The following ARHGEF38 variants were observed in gnomAD, a reference collection of about 807,000 sequenced individuals.
The protein encoded by ARHGEF38 is Rho guanine nucleotide exchange factor (GEF) 38.
A neutral mutation model predicts 79.9 loss-of-function variants in ARHGEF38; 79 were observed. The observed-to-expected ratio is 0.99, with a 90% CI of 0.82 to 1.19. The LOEUF (loss-of-function observed/expected upper bound fraction) is 1.19. Among genes scored for constraint, ARHGEF38 ranks in the 50% most tolerant of loss-of-function variants. The pLI, the probability that ARHGEF38 is intolerant of heterozygous loss-of-function variation, is 0.00. For synonymous variants in ARHGEF38, 366 were observed against 328.3 expected (o/e 1.11, Z -1.24); for missense variants, 962 against 907.2 (o/e 1.06, Z -0.78).
intron 2 of ARHGEF38, among the ~76,000 whole-genome samples, chr4:105,597,586 T>C (rs1205926772): frequency 6.6e-6 from 1 of 152,216 alleles, no homozygotes; most frequent in Non-Finnish European, 1.5e-5. Context: ...TTCTTAAAGT[T>C]GGCTACTCTC....
rs572189565 is a variant in ARHGEF38, at chr4:105,615,285, T to C, written c.508+1778T>C. Among the ~76,000 whole-genome samples, 4 of 152,224 alleles carry C rather than the reference T, an allele frequency of 2.6e-5. No homozygotes were observed. The South Asian group carries it at 8.3e-4, about 32-fold the overall frequency. ...CATTAAAAGATTTCTGGCAAGGGTG[T>C]GATGAGACACAAAAGTTTCTGGAGA... On this transcript the variant is annotated intron_variant, in intron 3 of 13. Coordinates refer to ENST00000420470, the MANE Select transcript of ARHGEF38 (RefSeq NM_001242729.2).
chr4:105,667,550 C>T lies in ARHGEF38; in HGVS notation c.1995C>T (p.Ile665=), dbSNP rs756460196. The part of the protein sequence containing the change: ...NRFCDDDFEN[I]SLFVSSRPAS... ...TCTGTGACGATGATTTTGAGAACATCAGCCTCTTCGTGTCTTCACGGCCAG... is the reference window on the plus strand; with the variant it reads ...TCTGTGACGATGATTTTGAGAACATTAGCCTCTTCGTGTCTTCACGGCCAG... Residue 665 remains isoleucine (I), a synonymous_variant, in exon 13 of 14, where the codon ATC becomes ATT. Coordinates refer to ENST00000420470, the MANE Select transcript of ARHGEF38 (RefSeq NM_001242729.2). 3.4e-5 allele frequency: 53 copies of T among 1,536,576 alleles called. 1 individual carries two copies. Among genetic ancestry groups the T allele is most frequent in the Non-Finnish European group, 3.9e-5 (45 of 1,147,058 alleles).
At chr4:105,634,869 A>T (rs1361208395) in intron 4 of ARHGEF38, among the ~76,000 whole-genome samples, 1 of 152,136 alleles carries the variant, frequency 6.6e-6, no homozygotes, top group Non-Finnish European at 1.5e-5. Flanking sequence ...GGCTGCTCAC[A>T]TTACTCCTGG....
chr4:105,622,103 T>A (rs922605108), intron 3 of ARHGEF38, among the ~76,000 whole-genome samples: 1 of 152,100 alleles, frequency 6.6e-6, no homozygotes, highest in Non-Finnish European at 1.5e-5. Context: ...CTAGGACTTA[T>A]TTCTTACAAT....
chr4:105,623,257 C>T (rs1043919010), intron 3 of ARHGEF38, among the ~76,000 whole-genome samples: 9 of 152,170 alleles, frequency 5.9e-5, no homozygotes, highest in African/African-American at 1.7e-4. Context: ...TTGGCTGGCA[C>T]ACAGAGGGTC....
intron 9 of ARHGEF38, among the ~76,000 whole-genome samples, chr4:105,658,310 G>T (rs1223282904): frequency 1.3e-5 from 2 of 152,152 alleles, no homozygotes; most frequent in Non-Finnish European, 2.9e-5. Context: ...TCGGGAGGCT[G>T]AGGTGGGAGG....
chr4:105,634,053 C>T (rs1274945421), intron 4 of ARHGEF38, among the ~76,000 whole-genome samples: 1 of 152,104 alleles, frequency 6.6e-6, no homozygotes, highest in East Asian at 1.9e-4. Flanking sequence ...AGTTCCCTTG[C>T]GCCAGATCCA....
At chr4:105,624,777 G>A (rs1194031599) in intron 3 of ARHGEF38, among the ~76,000 whole-genome samples, 2 of 152,204 alleles carry the variant, frequency 1.3e-5, no homozygotes, top group Non-Finnish European at 2.9e-5. Context: ...TCCCATCCAA[G>A]GAGGATAAGA....
chr4:105,656,240 G>C (rs1730319589), intron 9 of ARHGEF38, among the ~76,000 whole-genome samples: 1 of 152,022 alleles, frequency 6.6e-6, no homozygotes, highest in Admixed American at 6.6e-5. Flanking sequence ...ATTTTTTGTA[G>C]AGGCGGGGTT....
chr4:105,600,717 C>T (rs1302101813), intron 2 of ARHGEF38, among the ~76,000 whole-genome samples: 1 of 152,176 alleles, frequency 6.6e-6, no homozygotes, highest in Admixed American at 6.6e-5. Flanking sequence ...TCCAATTTAA[C>T]ATGTTCAAAA....
intron 2 of ARHGEF38, among the ~76,000 whole-genome samples, chr4:105,593,922 G>C (rs780236722): frequency 2.0e-5 from 3 of 152,074 alleles, no homozygotes; most frequent in Non-Finnish European, 2.9e-5. Context: ...TCTCAATACT[G>C]TGAATTACAA....
Position 105,679,568 on chromosome 4 carries a change from T to A in ARHGEF38, c.*1631T>A. ...CTGCAGCCAATGCATCTATCGCCCC[T>A]TTCTCTTCTATCAGTATCTGAGCTG... On this transcript the variant is annotated 3_prime_UTR_variant, in exon 14 of 14. Coordinates refer to ENST00000420470, the MANE Select transcript of ARHGEF38 (RefSeq NM_001242729.2). 9.9e-7 allele frequency: 1 copy of A among 1,015,168 alleles called. No individual in the cohort carries two copies. Among genetic ancestry groups the A allele is most frequent in the Admixed American group, 1.7e-5 (1 of 59,010 alleles). The allele number at this position is 1,015,168 out of a possible 1,614,324, so 62.9% of individuals were successfully genotyped here.
intron 11 of ARHGEF38, 73 bp from the exon 12 acceptor site, chr4:105,667,056 A>T (rs540278862): frequency 6.9e-6 from 9 of 1,299,808 alleles, no homozygotes; most frequent in Non-Finnish European, 9.3e-6. Context: ...CTCCAGGGAA[A>T]AAATATTTAC....
intron 2 of ARHGEF38, among the ~76,000 whole-genome samples, chr4:105,604,019 G>A (rs188120743): frequency 2.3e-4 from 35 of 152,274 alleles, no homozygotes; most frequent in Admixed American, 2.1e-3. Flanking sequence ...GGGATTCCAT[G>A]GAGACATCCT....
At chr4:105,605,348 G>T (rs2110481087) in intron 2 of ARHGEF38, among the ~76,000 whole-genome samples, 1 of 152,096 alleles carries the variant, frequency 6.6e-6, no homozygotes, top group East Asian at 1.9e-4. Flanking sequence ...TCTCGAGTTT[G>T]AACCCAGCCT....
At chr4:105,557,650 A>G (rs982351726) in intron 1 of ARHGEF38, among the ~76,000 whole-genome samples, 1 of 151,236 alleles carries the variant, frequency 6.6e-6, no homozygotes, top group Non-Finnish European at 1.5e-5. Flanking sequence ...GCTCTCAGCC[A>G]TGTCAGGATA....
intron 2 of ARHGEF38, among the ~76,000 whole-genome samples, chr4:105,606,428 C>A (rs1331806810): frequency 2.0e-5 from 3 of 151,780 alleles, no homozygotes; most frequent in Admixed American, 6.6e-5. Flanking sequence ...ATTAAGAGCC[C>A]AAAAATATAG....
Position 105,615,106 on chromosome 4 carries a change from C to G in ARHGEF38, c.508+1599C>G, listed in dbSNP as rs144148055. ...TGAAAAACAAGTGTGAAACAAATGC[C>G]AAATGCCAAGTGTGTTTAGGAAATG... On this transcript the variant is annotated intron_variant, in intron 3 of 13. Coordinates refer to ENST00000420470, the MANE Select transcript of ARHGEF38 (RefSeq NM_001242729.2). 7.7e-4 allele frequency among the ~76,000 whole-genome samples: 117 copies of G among 152,196 alleles called. 1 individual carries two copies. The highest frequency in any genetic ancestry group is 1.4e-3 in the Non-Finnish European group (93 of 68,004).
rs1560684337 is a variant in ARHGEF38 at position 105,561,429 on chromosome 4, A to AATG, written c.196+8468_196+8469insATG. On this transcript the variant is annotated intron_variant, in intron 1 of 13. Coordinates refer to ENST00000420470, the MANE Select transcript of ARHGEF38 (RefSeq NM_001242729.2). ...AGAATAGAATAGAATAGAATGGAAT[A>AATG]GAATAGAATAGAATAGAATGGAATA... Among the ~76,000 whole-genome samples the AATG allele has an allele frequency of 4.5e-3, 211 of 46,886 alleles. 9 individuals carry two copies. The highest frequency in any genetic ancestry group is 5.8e-3 in the Non-Finnish European group (147 of 25,438). 30.8% of individuals were successfully genotyped at this position (46,886 alleles called of 152,430 possible).
Sources: allele counts gnomAD v4.1 joint callset (sites outside exome capture counted in the v4.1 genomes callset), GRCh38; gene constraint gnomAD v4.1.1; transcripts MANE v1.5; gene names NCBI Gene and HGNC (gene_info 2026-07-23, HGNC 2026-07-21).